LIN28B: variants seen among roughly 807,000 people sequenced by gnomAD.
The protein encoded by LIN28B is protein lin-28 homolog B.
In LIN28B, 5 loss-of-function variants were observed where a neutral mutation model predicts 21.9. That is an observed-to-expected ratio of 0.23 (90% CI 0.12 to 0.48). The LOEUF (loss-of-function observed/expected upper bound fraction) is 0.48. Among genes scored for constraint, LIN28B ranks in the 20% least tolerant of loss-of-function variants. LIN28B has a pLI of 0.98. For missense variants in LIN28B, 245 were observed against 310.5 expected, an observed-to-expected ratio of 0.79 and a Z score of 1.58; for synonymous variants, 109 against 111.3, an observed-to-expected ratio of 0.98 and a Z score of 0.13.
At chr6:105,027,611 TAA>T (rs1273115951) in intron 3 of LIN28B, among the ~76,000 whole-genome samples, 3 of 152,036 alleles carry the variant, frequency 2.0e-5, no homozygotes, top group Non-Finnish European at 2.9e-5. Context: ...TGATAGTTTT[TAA>T]AAAGTATTTT....
intron 2 of LIN28B, among the ~76,000 whole-genome samples, chr6:104,961,401 T>G (rs548467075): frequency 6.6e-6 from 1 of 152,206 alleles, no homozygotes; most frequent in South Asian, 2.1e-4. Flanking sequence ...TACGTCTAAA[T>G]TCTTTTATTT....
intron 2 of LIN28B, among the ~76,000 whole-genome samples, chr6:104,969,356 A>G (rs1269188274): frequency 6.6e-6 from 1 of 152,150 alleles, no homozygotes; most frequent in Non-Finnish European, 1.5e-5. Context: ...TGATCAAGCC[A>G]CAGAAGCCAG....
In LIN28B at chr6:104,983,351, G is replaced by A. The variant is rs77647311; in HGVS notation, c.198+25065G>A. Among the ~76,000 whole-genome samples the A allele has an allele frequency of 4.3e-3, 651 of 152,242 alleles. 3 individuals carry two copies. The highest frequency in any genetic ancestry group is 0.015 in the African/African-American group (613 of 41,542). On this transcript the variant is annotated intron_variant, in intron 2 of 3. Coordinates refer to ENST00000345080, the MANE Select transcript of LIN28B (RefSeq NM_001004317.4). ...CTGAAATTTGGTTGGGGTAGGTTCT[G>A]TGAGGAAAAAAAGAAAGTAAAACAA...
At chr6:105,076,590 A>G (rs1208763738) in intron 3 of LIN28B, among the ~76,000 whole-genome samples, 3 of 151,966 alleles carry the variant, frequency 2.0e-5, no homozygotes, top group African/African-American at 4.8e-5. Flanking sequence ...ACTTAAGCCA[A>G]TTTTCTCAGT....
intron 3 of LIN28B, among the ~76,000 whole-genome samples, chr6:105,058,731 T>C (rs866726725): frequency 3.9e-5 from 6 of 152,302 alleles, no homozygotes; most frequent in South Asian, 2.1e-4. Flanking sequence ...GGAAATGAAG[T>C]GTATTTTTGT....
At chr6:104,992,067 CTTGT>C (rs1478548029) in intron 2 of LIN28B, among the ~76,000 whole-genome samples, 4 of 149,672 alleles carry the variant, frequency 2.7e-5, no homozygotes, top group Admixed American at 1.3e-4. Flanking sequence ...CTGTTCACAT[CTTGT>C]TTTTTTTTTT....
intron 2 of LIN28B, among the ~76,000 whole-genome samples, chr6:104,990,746 T>G (rs1770447505): frequency 6.6e-6 from 1 of 151,978 alleles, no homozygotes; most frequent in Non-Finnish European, 1.5e-5. Context: ...TACTTGAGAT[T>G]AGGGAGTGGT....
chr6:105,039,166 A>G (rs1425320162), intron 3 of LIN28B, among the ~76,000 whole-genome samples: 1 of 152,214 alleles, frequency 6.6e-6, no homozygotes, highest in Non-Finnish European at 1.5e-5. Flanking sequence ...CTTTGCATGT[A>G]GTAAGAGTAA....
intron 2 of LIN28B, among the ~76,000 whole-genome samples, chr6:104,967,300 C>A (rs899118407): frequency 6.6e-6 from 1 of 150,834 alleles, no homozygotes; most frequent in African/African-American, 2.4e-5. Context: ...ATTGAATTGG[C>A]TGGGCATGGT....
At chr6:105,041,005 G>T (rs1199491298) in intron 3 of LIN28B, among the ~76,000 whole-genome samples, 1 of 151,944 alleles carries the variant, frequency 6.6e-6, no homozygotes, top group Admixed American at 6.6e-5. Flanking sequence ...TCGACCTCCT[G>T]GGCTCAGGTG....
chr6:105,040,620 T>C (rs1362640573), intron 3 of LIN28B, among the ~76,000 whole-genome samples: 1 of 152,024 alleles, frequency 6.6e-6, no homozygotes, highest in Non-Finnish European at 1.5e-5. Context: ...AAAAAATTCT[T>C]ACTAATAAGT....
chr6:105,033,661 A>G (rs2114353706), intron 3 of LIN28B, among the ~76,000 whole-genome samples: 1 of 152,042 alleles, frequency 6.6e-6, no homozygotes, highest in South Asian at 2.1e-4. Context: ...CAAAAAGAGT[A>G]AAGAAATTTA....
chr6:105,062,540 T>C (rs1218748704), intron 3 of LIN28B, among the ~76,000 whole-genome samples: 1 of 151,978 alleles, frequency 6.6e-6, no homozygotes, highest in Admixed American at 6.5e-5. Context: ...CATTGGAAAT[T>C]AGCAAGAATT....
intron 2 of LIN28B, among the ~76,000 whole-genome samples, chr6:104,992,138 C>T (rs1015070044): frequency 2.0e-5 from 3 of 151,944 alleles, no homozygotes; most frequent in Non-Finnish European, 2.9e-5. Flanking sequence ...CTCGGCTCAC[C>T]GTAACCTCCG....
intron 2 of LIN28B, among the ~76,000 whole-genome samples, chr6:104,942,372 C>CTTT (rs1778106906): frequency 6.6e-6 from 1 of 151,868 alleles, no homozygotes. Flanking sequence ...TGCAAAAGTG[C>CTTT]TTTTTTAAAA....
In LIN28B at chr6:105,079,760, A is replaced by G. The variant is rs1772505669; in HGVS notation, c.*977A>G. ...CTCCTTATTTACTACTGAAGACCTT[A>G]GAGAACTCCAATTGTTTGGCATATA... On this transcript the variant is annotated 3_prime_UTR_variant, in exon 4 of 4. Coordinates refer to ENST00000345080, the MANE Select transcript of LIN28B (RefSeq NM_001004317.4). 2 of 152,200 alleles carry G rather than the reference A, an allele frequency of 1.3e-5. No homozygotes were observed. The highest frequency in any genetic ancestry group is 2.1e-4 in the South Asian group (1 of 4,824). 9.4% of individuals were successfully genotyped at this position (152,200 alleles called of 1,614,324 possible). A position where few individuals can be genotyped will look rare whatever the true frequency, so the allele number is the denominator to read the frequency against.
intron 3 of LIN28B, among the ~76,000 whole-genome samples, chr6:105,061,446 T>C (rs1370885612): frequency 6.6e-6 from 1 of 152,112 alleles, no homozygotes; most frequent in East Asian, 1.9e-4. Context: ...GTTTGATCTC[T>C]TTAGCATTCT....
intron 2 of LIN28B, among the ~76,000 whole-genome samples, chr6:104,988,053 C>A (rs183932625): frequency 5.9e-5 from 9 of 152,230 alleles, no homozygotes; most frequent in Admixed American, 1.3e-4. Flanking sequence ...CATCAATATT[C>A]TTCTATTTTT....
intron 3 of LIN28B, among the ~76,000 whole-genome samples, chr6:105,066,821 A>G (rs1343330093): frequency 6.6e-6 from 1 of 152,080 alleles, no homozygotes; most frequent in Admixed American, 6.6e-5. Flanking sequence ...ACATATATAT[A>G]TATATGTAAA....
Sources: gnomAD v4.1 joint callset for allele counts (sites outside exome capture counted in the v4.1 genomes callset) on GRCh38, gnomAD v4.1.1 for gene constraint, MANE v1.5 for transcripts, NCBI Gene and HGNC (gene_info 2026-07-23, HGNC 2026-07-21) for gene names.